The following PTPN13 variants were observed in gnomAD, a reference collection of about 807,000 sequenced individuals.
PTPN13 encodes protein tyrosine phosphatase non-receptor type 13.
PTPN13 carries 191 observed loss-of-function variants against 284.0 expected under a neutral mutation model. The ratio of observed to expected loss-of-function variants is 0.67; its 90% CI spans 0.60 to 0.76. PTPN13 has a LOEUF of 0.76. Ranked by LOEUF, PTPN13 falls within the 30% of genes least tolerant of loss-of-function variation. The pLI, the probability that PTPN13 is intolerant of heterozygous loss-of-function variation, is 0.00. For synonymous variants in PTPN13, 986 were observed against 1,022.3 expected (o/e 0.96, Z 0.68); for missense variants, 2,797 against 2,939.9 (o/e 0.95, Z 1.12).
In PTPN13 at chr4:86,809,843, T is replaced by C. The variant is rs1339639968; in HGVS notation, c.7158T>C (p.Asp2386=). ...WPDHDTPSQP[D]DLLTFISYMR... ...ACCATGATACACCTTCTCAACCAGA[T>C]GATCTGCTTACTTTTATCTCCTACA... Residue 2386 remains aspartate (D), a synonymous_variant, in exon 46 of 48, where the codon GAT becomes GAC. Coordinates refer to ENST00000411767, the MANE Select transcript of PTPN13 (RefSeq NM_080683.3). 6.2e-7 allele frequency: 1 copy of C among 1,614,084 alleles called. No homozygotes were observed. The highest frequency in any genetic ancestry group is 1.7e-5 in the Admixed American group (1 of 60,028).
chr4:86,814,125 G>GCCTCCCAAGGC (rs1452568717), intron 47 of PTPN13, among the ~76,000 whole-genome samples: 1 of 147,404 alleles, frequency 6.8e-6, no homozygotes, highest in African/African-American at 2.5e-5. Flanking sequence ...TCCTGCCTCA[G>GCCTCCCAAGGC]CCTCCCAAGT....
chr4:86,612,586 CA>C (rs1167134210), intron 1 of PTPN13, among the ~76,000 whole-genome samples: 2 of 151,902 alleles, frequency 1.3e-5, no homozygotes, highest in Non-Finnish European at 2.9e-5. Context: ...TCCGTGAACA[CA>C]AAGCATAGGA....
intron 1 of PTPN13, among the ~76,000 whole-genome samples, chr4:86,614,146 G>T (rs1159617154): frequency 6.6e-6 from 1 of 152,040 alleles, no homozygotes; most frequent in Non-Finnish European, 1.5e-5. Flanking sequence ...AGTATATAGG[G>T]TAGTTTTGTT....
chr4:86,627,163 T>C (rs1355522375), intron 1 of PTPN13, among the ~76,000 whole-genome samples: 2 of 152,012 alleles, frequency 1.3e-5, no homozygotes, highest in Non-Finnish European at 2.9e-5. Context: ...ATAGTCAAAA[T>C]CATAGAAACA....
chr4:86,773,587 A>G (rs1457165832), intron 32 of PTPN13, among the ~76,000 whole-genome samples: 2 of 152,168 alleles, frequency 1.3e-5, no homozygotes, highest in Non-Finnish European at 2.9e-5. Flanking sequence ...TATCCAAGTA[A>G]TAAATGTTTA....
In PTPN13 at chr4:86,719,625, C is replaced by G. The variant is rs11936622; in HGVS notation, c.1385+2508C>G. On this transcript the variant is annotated intron_variant, in intron 9 of 47. Transcript: ENST00000411767. The stretch of plus-strand genomic sequence containing the variant: ...AAGTGTTCCCTTTTCTCTGCAACCT[C>G]GTCAGCATCTGTAATTTTTTTACTT... 6.6e-3 allele frequency among the ~76,000 whole-genome samples: 999 copies of G among 152,268 alleles called. 9 individuals carry two copies. Among genetic ancestry groups the G allele is most frequent in the African/African-American group, 0.022 (899 of 41,576 alleles).
chr4:86,772,194 A>G (rs749731423), intron 31 of PTPN13, among the ~76,000 whole-genome samples: 39 of 152,188 alleles, frequency 2.6e-4, no homozygotes, highest in Non-Finnish European at 4.4e-4. Flanking sequence ...TGAATTAACA[A>G]CTAGAAATCA....
At chr4:86,625,012 A>G (rs1393909844) in intron 1 of PTPN13, among the ~76,000 whole-genome samples, 1 of 152,182 alleles carries the variant, frequency 6.6e-6, no homozygotes, top group South Asian at 2.1e-4. Flanking sequence ...CACTAAGCCA[A>G]TGAATGAGGC....
At chr4:86,653,728 T>TA (rs1219791185) in intron 2 of PTPN13, among the ~76,000 whole-genome samples, 3 of 152,106 alleles carry the variant, frequency 2.0e-5, no homozygotes, top group Non-Finnish European at 4.4e-5. Flanking sequence ...TGTATATATT[T>TA]AAAAAGAGAA....
intron 23 of PTPN13, among the ~76,000 whole-genome samples, chr4:86,759,456 A>G (rs1738409022): frequency 6.6e-6 from 1 of 152,212 alleles, no homozygotes; most frequent in African/African-American, 2.4e-5. Context: ...TGTGCCTTTT[A>G]TTAGCTATAT....
Position 86,785,292 on chromosome 4 carries a change from T to G in PTPN13, c.6180T>G (p.Ser2060=), listed in dbSNP as rs768906327. The change falls in exon 39 of 48, where the codon TCT becomes TCG. Residue 2060 remains serine, a synonymous_variant. Coordinates refer to ENST00000411767, the MANE Select transcript of PTPN13 (RefSeq NM_080683.3). ...DDSQEAEVIQ[S]LLDVVDEEAQ... ...CCCAAGAAGCTGAAGTTATCCAGTCTCTGCTGGATGTTGTGGATGAGGAAG... is the reference window on the plus strand; with the variant it reads ...CCCAAGAAGCTGAAGTTATCCAGTCGCTGCTGGATGTTGTGGATGAGGAAG... 1.2e-6 allele frequency: 2 copies of G among 1,602,294 alleles called. No homozygotes were observed. The highest frequency in any genetic ancestry group is 1.7e-6 in the Non-Finnish European group (2 of 1,170,368).
intron 19 of PTPN13, 41 bp downstream of exon 19, chr4:86,751,165 T>C (rs1214445695): frequency 7.4e-7 from 1 of 1,355,086 alleles, no homozygotes; most frequent in Admixed American, 1.9e-5. Flanking sequence ...CCATACCTCA[T>C]GCTCAGAGGG....
chr4:86,779,696 A>T (rs1741073819), intron 35 of PTPN13, among the ~76,000 whole-genome samples: 1 of 152,260 alleles, frequency 6.6e-6, no homozygotes, highest in Middle Eastern at 3.4e-3. Flanking sequence ...CAGAACTTTA[A>T]GTATATTGCC....
At position 86,764,629 on chromosome 4, in the gene PTPN13, A is replaced by T. The variant is rs1324937930; in HGVS notation, c.4054A>T (p.Asn1352Tyr). The change falls in exon 25 of 48, where the codon AAT becomes TAT. Residue 1352 changes from asparagine (N) to tyrosine (Y), a missense_variant. Coordinates refer to ENST00000411767, the MANE Select transcript of PTPN13 (RefSeq NM_080683.3). ...TTCAGTGAATACATCCAACAAGATG[A>T]ATTTTAAAACTTTTTCTTCATCACC... ...SSSVNTSNKM[N>Y]FKTFSSSPPK... 1 of 1,562,928 alleles carries T rather than the reference A, an allele frequency of 6.4e-7. No individual in the cohort carries two copies. The highest frequency in any genetic ancestry group is 2.3e-5 in the East Asian group (1 of 42,968).
Position 86,693,691 on chromosome 4 carries a change from A to G in PTPN13, c.634+17A>G. The G allele has an allele frequency of 6.6e-7, 1 of 1,509,356 alleles. No individual in the cohort carries two copies. The highest frequency in any genetic ancestry group is 9.0e-7 in the Non-Finnish European group (1 of 1,113,380). The allele number at this position is 1,509,356 out of a possible 1,614,324, so 93.5% of individuals were successfully genotyped here. A position where few individuals can be genotyped will look rare whatever the true frequency, so the allele number is the denominator to read the frequency against. The stretch of plus-strand genomic sequence containing the variant: ...TACCAACAGGTAAGAGTATATTAAT[A>G]GGAAATGTCTAGGCTTTAACCTTAT... On this transcript the variant is annotated intron_variant, in intron 6 of 47. Transcript: ENST00000411767.
chr4:86,803,695 T>C lies in PTPN13; in HGVS notation c.6506-14T>C, dbSNP rs1371521602. On this transcript the variant is annotated splice_polypyrimidine_tract_variant and intron_variant, in intron 42 of 47. Transcript: ENST00000411767. The stretch of plus-strand genomic sequence containing the variant: ...TCTGGAGGAACTGTTTTTAAATTGC[T>C]GTCTTCCTATTAGATCATTCCTTTC... The C allele has an allele frequency of 3.1e-6, 5 of 1,612,236 alleles. No individual in the cohort carries two copies. In the South Asian group the frequency reaches 3.3e-5, roughly 11 times the overall value.
chr4:86,714,159 A>G (rs1732738850), intron 7 of PTPN13, among the ~76,000 whole-genome samples: 2 of 151,924 alleles, frequency 1.3e-5, no homozygotes, highest in South Asian at 4.1e-4. Context: ...TGGCTACATG[A>G]AAGCTTTCAT....
chr4:86,722,898 G>C (rs1245439006), intron 10 of PTPN13, among the ~76,000 whole-genome samples: 1 of 152,160 alleles, frequency 6.6e-6, no homozygotes, highest in African/African-American at 2.4e-5. Context: ...CTGGTTAAAA[G>C]AGGACTCCAT....
chr4:86,689,288 A>C (rs1729774228), intron 5 of PTPN13, 98 bp downstream of exon 5: 12 of 927,304 alleles, frequency 1.3e-5, no homozygotes, highest in Admixed American at 2.4e-5. Flanking sequence ...GCATTTTCTC[A>C]ATGAAGACTA....
Sources: allele counts gnomAD v4.1 joint callset (sites outside exome capture counted in the v4.1 genomes callset), GRCh38; gene constraint gnomAD v4.1.1; transcripts MANE v1.5; gene names NCBI Gene and HGNC (gene_info 2026-07-23, HGNC 2026-07-21).